The following ZNF616 variants were observed in gnomAD, a reference collection of about 807,000 sequenced individuals.
The protein encoded by ZNF616 is zinc finger protein 616.
In ZNF616, 5 loss-of-function variants were observed where a neutral mutation model predicts 7.6. The observed-to-expected ratio is 0.66, with a 90% CI of 0.34 to 1.38. The LOEUF (loss-of-function observed/expected upper bound fraction) is 1.38. ZNF616 is among the 40% of genes most tolerant of loss of function. The pLI, the probability that ZNF616 is intolerant of heterozygous loss-of-function variation, is 0.04. For missense variants in ZNF616, 913 were observed against 948.3 expected, an observed-to-expected ratio of 0.96 and a Z score of 0.49; for synonymous variants, 319 against 317.2, an observed-to-expected ratio of 1.01 and a Z score of -0.06.
chr19:52,119,045 G>T (rs944941525), intron 3 of ZNF616, among the ~76,000 whole-genome samples: 2 of 152,150 alleles, frequency 1.3e-5, no homozygotes, highest in African/African-American at 4.8e-5. Flanking sequence ...ATGCTGTGTT[G>T]CCAAAAGCAT....
rs1160409410 is a variant in ZNF616 at position 52,115,248 on chromosome 19, C to G, written c.1916G>C (p.Gly639Ala). 6.2e-7 allele frequency: 1 copy of G among 1,614,126 alleles called. No individual in the cohort carries two copies. The highest frequency in any genetic ancestry group is 8.5e-7 in the Non-Finnish European group (1 of 1,180,022). The change falls in exon 4 of 4, where the codon GGG (glycine) becomes GCG (alanine). Residue 639 changes from glycine to alanine, a missense_variant. Physicochemically the swap from Gly to Ala is moderately conservative, Grantham distance 60. Transcript: ENST00000600228. ...ATGGACACGCTGACTAAAGGAATTCCCACACTGATTGCATTTGTAAGGTTT... is the reference window on the plus strand; with the variant it reads ...ATGGACACGCTGACTAAAGGAATTCGCACACTGATTGCATTTGTAAGGTTT... ...GEKPYKCNQC[G>A]NSFSQRVHLR...
intron 1 of ZNF616, among the ~76,000 whole-genome samples, chr19:52,131,578 G>C (rs972415329): frequency 1.3e-4 from 20 of 152,134 alleles, no homozygotes; most frequent in African/African-American, 4.8e-4. Context: ...GCTTTTATTT[G>C]CAATCCTAGA....
chr19:52,124,026 T>G lies in ZNF616; in HGVS notation c.36A>C (p.Val12=). ...ACTCCTCCTGAGAGAATTCTATGGC[T>G]ACATCCTTGAATGTCAAATGCCCCT... ...ATQGHLTFKD[V]AIEFSQEEWK... The change falls in exon 3 of 4, where the codon GTA becomes GTC. Residue 12 remains valine, a synonymous_variant. Coordinates refer to ENST00000600228, the MANE Select transcript of ZNF616 (RefSeq NM_178523.5). The G allele has an allele frequency of 6.2e-7, 1 of 1,609,640 alleles. No individual in the cohort carries two copies. Among genetic ancestry groups the G allele is most frequent in the Non-Finnish European group, 8.5e-7 (1 of 1,178,852 alleles).
intron 3 of ZNF616, among the ~76,000 whole-genome samples, chr19:52,120,412 T>C (rs2088856534): frequency 6.6e-6 from 1 of 152,038 alleles, no homozygotes; most frequent in Non-Finnish European, 1.5e-5. Flanking sequence ...AACAAAAAAA[T>C]CTAAGAGATA....
chr19:52,116,811 T>C lies in ZNF616; in HGVS notation c.353A>G (p.Asn118Ser), dbSNP rs760204551. The C allele has an allele frequency of 6.8e-6, 11 of 1,613,954 alleles. No individual in the cohort carries two copies. Among genetic ancestry groups the C allele is most frequent in the Non-Finnish European group, 9.3e-6 (11 of 1,179,886 alleles). ...ATGTTGATCTCTTTTACCAGTAAGA[T>C]TGTTTTCATGGGGCACTGGCACTTC... ...DKEVPVPHENNLTGKRDQHSQ... is the reference protein window; with the variant it reads ...DKEVPVPHENSLTGKRDQHSQ... Residue 118 changes from asparagine (N) to serine (S), a missense_variant, in exon 4 of 4, where the codon AAT becomes AGT. By Grantham distance (46) the Asn-to-Ser change is conservative. Coordinates refer to ENST00000600228, the MANE Select transcript of ZNF616 (RefSeq NM_178523.5).
chr19:52,129,204 G>C (rs936715196), intron 2 of ZNF616, among the ~76,000 whole-genome samples: 1 of 152,204 alleles, frequency 6.6e-6, no homozygotes, highest in East Asian at 1.9e-4. Flanking sequence ...GGTTGAACCC[G>C]GGAGACAGAG....
At chr19:52,123,541 A>G (rs1364190133) in intron 3 of ZNF616, among the ~76,000 whole-genome samples, 2 of 152,146 alleles carry the variant, frequency 1.3e-5, no homozygotes, top group Non-Finnish European at 2.9e-5. Context: ...CTGAGGGTGG[A>G]GGATTGCTTG....
Position 52,119,289 on chromosome 19 carries a change from T to C in ZNF616, c.140-2265A>G, listed in dbSNP as rs916627949. ...CTACGTGGGAGGCTGAGGCAGGGAA[T>C]TGCTTGAACCCGGGAGGTGGAGGTT... On this transcript the variant is annotated intron_variant, in intron 3 of 3. Coordinates refer to ENST00000600228, the MANE Select transcript of ZNF616 (RefSeq NM_178523.5). Among the ~76,000 whole-genome samples the C allele has an allele frequency of 9.2e-5, 14 of 151,618 alleles. 1 individual carries two copies. The highest frequency in any genetic ancestry group is 6.2e-4 in the South Asian group (3 of 4,804).
intron 1 of ZNF616, 144 bp from the exon 2 acceptor site, chr19:52,130,732 C>G (rs954101534): frequency 6.4e-6 from 4 of 628,726 alleles, no homozygotes; most frequent in Non-Finnish European, 1.1e-5. Context: ...AATTCCTACA[C>G]AAAGACCAAG....
chr19:52,126,114 AAAG>A (rs2088905126), intron 2 of ZNF616, among the ~76,000 whole-genome samples: 1 of 152,224 alleles, frequency 6.6e-6, no homozygotes, highest in African/African-American at 2.4e-5. Context: ...TGAAGTCACA[AAAG>A]AAGACAATAA....
chr19:52,128,561 A>G (rs1234576452), intron 2 of ZNF616, among the ~76,000 whole-genome samples: 2 of 151,776 alleles, frequency 1.3e-5, no homozygotes, highest in African/African-American at 4.8e-5. Flanking sequence ...TGACCAACAT[A>G]GAGAAACTCT....
chr19:52,133,840 C>G (rs1482098073), intron 1 of ZNF616, among the ~76,000 whole-genome samples: 1 of 152,080 alleles, frequency 6.6e-6, no homozygotes, highest in Non-Finnish European at 1.5e-5. Flanking sequence ...AGCCTAATGT[C>G]TATTAGTTAT....
chr19:52,136,389 C>T (rs528165281), intron 1 of ZNF616, among the ~76,000 whole-genome samples: 1 of 151,900 alleles, frequency 6.6e-6, no homozygotes, highest in Admixed American at 6.6e-5. Flanking sequence ...GATGAGGTCG[C>T]AGTGAGCTGA....
intron 1 of ZNF616, among the ~76,000 whole-genome samples, chr19:52,134,467 C>G (rs1484250591): frequency 1.3e-5 from 2 of 152,190 alleles, no homozygotes; most frequent in Non-Finnish European, 2.9e-5. Flanking sequence ...AATTTGGAGT[C>G]AGTAGGTCAG....
chr19:52,130,391 A>G, intron 2 of ZNF616, 110 bp downstream of exon 2: 1 of 981,342 alleles, frequency 1.0e-6, no homozygotes, highest in Non-Finnish European at 1.7e-6. Context: ...CAGGAAGGAC[A>G]CTTCAGACTC....
At chr19:52,122,716 G>A (rs1469886179) in intron 3 of ZNF616, among the ~76,000 whole-genome samples, 1 of 149,880 alleles carries the variant, frequency 6.7e-6, no homozygotes, top group Non-Finnish European at 1.5e-5. Flanking sequence ...CTCACTGCAA[G>A]CTCCGCCTCC....
At chr19:52,131,002 C>T (rs909078592) in intron 1 of ZNF616, among the ~76,000 whole-genome samples, 8 of 152,202 alleles carry the variant, frequency 5.3e-5, no homozygotes, top group Non-Finnish European at 1.0e-4. Flanking sequence ...GGAGCGGTGG[C>T]TCATGCCTGT....
At position 52,115,226 on chromosome 19, in the gene ZNF616, G is replaced by A. The variant is rs1484643320; in HGVS notation, c.1938C>T (p.Val646=). 1 of 1,613,982 alleles carries A rather than the reference G, an allele frequency of 6.2e-7. No individual in the cohort carries two copies. The highest frequency in any genetic ancestry group is 1.3e-5 in the African/African-American group (1 of 74,890). ...GAACAGTCTGATGAAGTCTAAGATGGACACGCTGACTAAAGGAATTCCCAC... is the reference window on the plus strand; with the variant it reads ...GAACAGTCTGATGAAGTCTAAGATGAACACGCTGACTAAAGGAATTCCCAC... ...NQCGNSFSQR[V]HLRLHQTVHT... Residue 646 remains valine, a synonymous_variant, in exon 4 of 4, where the codon GTC becomes GTT. Transcript: ENST00000600228.
At chr19:52,137,406 G>C (rs1217320543) in intron 1 of ZNF616, among the ~76,000 whole-genome samples, 3 of 152,020 alleles carry the variant, frequency 2.0e-5, no homozygotes, top group East Asian at 3.9e-4. Flanking sequence ...CTGGGCGACA[G>C]AGCGAGCGAG....
Sources: allele counts gnomAD v4.1 joint callset (sites outside exome capture counted in the v4.1 genomes callset), GRCh38; gene constraint gnomAD v4.1.1; transcripts MANE v1.5; gene names NCBI Gene and HGNC (gene_info 2026-07-23, HGNC 2026-07-21).